The following LRP1B variants were observed in gnomAD, a reference collection of about 807,000 sequenced individuals.
LRP1B encodes the protein low-density lipoprotein receptor-related protein 1B.
In LRP1B, 217 loss-of-function variants were observed where a neutral mutation model predicts 556.6. The ratio of observed to expected loss-of-function variants is 0.39; its 90% CI spans 0.35 to 0.44. The LOEUF is 0.44. LRP1B is among the 20% of genes least tolerant of loss of function. The probability of loss-of-function intolerance (pLI) is 1.00; values close to 1 mark genes in which losing one functional copy is unlikely to be tolerated. For missense variants in LRP1B, 5,053 were observed against 5,620.8 expected, an observed-to-expected ratio of 0.90 and a Z score of 3.23; for synonymous variants, 2,047 against 1,865.8, an observed-to-expected ratio of 1.10 and a Z score of -2.50.
chr2:141,461,662 C>A (rs967545800), intron 3 of LRP1B, among the ~76,000 whole-genome samples: 1 of 152,156 alleles, frequency 6.6e-6, no homozygotes, highest in Non-Finnish European at 1.5e-5. Context: ...AGCAACCATA[C>A]TTTTGAAGAC....
chr2:141,020,871 G>C (rs1698046017), intron 11 of LRP1B, among the ~76,000 whole-genome samples: 1 of 151,928 alleles, frequency 6.6e-6, no homozygotes, highest in South Asian at 2.1e-4. Flanking sequence ...CATTCACGAA[G>C]CAGTAGCAAT....
chr2:141,720,766 G>A (rs1308400469), intron 2 of LRP1B, among the ~76,000 whole-genome samples: 1 of 152,070 alleles, frequency 6.6e-6, no homozygotes, highest in Non-Finnish European at 1.5e-5. Flanking sequence ...TACTAAATGA[G>A]TCAACTTTTA....
intron 1 of LRP1B, among the ~76,000 whole-genome samples, chr2:141,872,105 C>G (rs1427877687): frequency 6.6e-6 from 1 of 151,740 alleles, no homozygotes; most frequent in Non-Finnish European, 1.5e-5. Flanking sequence ...AAAGAGAGAG[C>G]TTGGAAGGAC....
chr2:141,004,761 A>G (rs1697520138), intron 15 of LRP1B, among the ~76,000 whole-genome samples: 1 of 152,112 alleles, frequency 6.6e-6, no homozygotes, highest in Non-Finnish European at 1.5e-5. Context: ...AAGGGGCACC[A>G]CATGGGGTAG....
chr2:140,622,708 A>G (rs1403210516), intron 41 of LRP1B, among the ~76,000 whole-genome samples: 1 of 152,198 alleles, frequency 6.6e-6, no homozygotes, highest in Non-Finnish European at 1.5e-5. Context: ...GAATCTAAAG[A>G]GACAATAACG....
intron 3 of LRP1B, among the ~76,000 whole-genome samples, chr2:141,354,787 A>C (rs903460417): frequency 1.4e-4 from 22 of 151,958 alleles, no homozygotes; most frequent in Non-Finnish European, 2.8e-4. Context: ...TAAAAAAAAA[A>C]CTGAAAAAAA....
chr2:141,266,167 A>G (rs1191783264), intron 3 of LRP1B, among the ~76,000 whole-genome samples: 2 of 152,080 alleles, frequency 1.3e-5, no homozygotes, highest in African/African-American at 4.8e-5. Context: ...TACCAAAAAT[A>G]CAAACAATTT....
At chr2:140,327,024 T>C (rs1199556065) in intron 79 of LRP1B, among the ~76,000 whole-genome samples, 1 of 152,122 alleles carries the variant, frequency 6.6e-6, no homozygotes, top group Non-Finnish European at 1.5e-5. Context: ...ATAATACATC[T>C]TCACTGCTGT....
intron 35 of LRP1B, among the ~76,000 whole-genome samples, chr2:140,735,533 C>T (rs1687917768): frequency 6.6e-6 from 1 of 152,076 alleles, no homozygotes; most frequent in South Asian, 2.1e-4. Flanking sequence ...AATGCTAAAA[C>T]CAGGGACCTG....
intron 2 of LRP1B, among the ~76,000 whole-genome samples, chr2:141,590,700 C>T (rs1194795409): frequency 1.3e-5 from 2 of 152,082 alleles, no homozygotes; most frequent in Non-Finnish European, 2.9e-5. Context: ...CACTTGTGCT[C>T]CTCTTCCATG....
At chr2:140,709,311 C>T (rs1437485512) in intron 37 of LRP1B, among the ~76,000 whole-genome samples, 1 of 152,020 alleles carries the variant, frequency 6.6e-6, no homozygotes, top group African/African-American at 2.4e-5. Context: ...GCTTCCTATA[C>T]ATCTTTTCAT....
intron 23 of LRP1B, among the ~76,000 whole-genome samples, chr2:140,901,394 T>C (rs1248518467): frequency 6.6e-6 from 1 of 152,202 alleles, no homozygotes; most frequent in Non-Finnish European, 1.5e-5. Context: ...AATCTGCCTT[T>C]CATTACCTAC....
chr2:140,394,637 A>G (rs1460398743), intron 66 of LRP1B, among the ~76,000 whole-genome samples: 1 of 152,204 alleles, frequency 6.6e-6, no homozygotes, highest in Non-Finnish European at 1.5e-5. Flanking sequence ...AAACTTAGTC[A>G]CACGACAACA....
chr2:140,519,009 C>A (rs1464636530), intron 49 of LRP1B, among the ~76,000 whole-genome samples: 1 of 152,096 alleles, frequency 6.6e-6, no homozygotes, highest in East Asian at 1.9e-4. Context: ...TAGGAAGAAT[C>A]AATATCATAA....
In LRP1B at chr2:141,125,603, G is replaced by C. The variant is rs188662400; in HGVS notation, c.1013+62818C>G. 5.3e-5 allele frequency among the ~76,000 whole-genome samples: 8 copies of C among 152,142 alleles called. No individual in the cohort carries two copies. The South Asian group carries it at 1.7e-3, about 32-fold the overall frequency. On this transcript the variant is annotated intron_variant, in intron 7 of 90. Transcript: ENST00000389484. ...ACTGACACGCCCTTGCACAGTGAAG[G>C]CACACACTATCTTTGCTGATATGCT...
intron 7 of LRP1B, among the ~76,000 whole-genome samples, chr2:141,123,251 T>C (rs546537008): frequency 6.9e-6 from 1 of 144,706 alleles, no homozygotes; most frequent in Admixed American, 6.9e-5. Flanking sequence ...TAAAAAAAAA[T>C]AAATAAATAA....
intron 2 of LRP1B, among the ~76,000 whole-genome samples, chr2:141,759,884 A>G (rs560924418): frequency 6.6e-6 from 1 of 152,274 alleles, no homozygotes; most frequent in South Asian, 2.1e-4. Context: ...TAATCCCAGC[A>G]CTTTGGTAGG....
chr2:140,567,391 C>T (rs1681166678), intron 43 of LRP1B, among the ~76,000 whole-genome samples: 1 of 152,178 alleles, frequency 6.6e-6, no homozygotes, highest in Admixed American at 6.5e-5. Flanking sequence ...GACCTATTGT[C>T]TCTGATTCCC....
intron 1 of LRP1B, among the ~76,000 whole-genome samples, chr2:141,945,206 ATC>A (rs1478815728): frequency 6.6e-6 from 1 of 151,994 alleles, no homozygotes; most frequent in Non-Finnish European, 1.5e-5. Context: ...TAAAGCTAAC[ATC>A]TCTGTTTTCA....
Sources: allele counts gnomAD v4.1 joint callset (sites outside exome capture counted in the v4.1 genomes callset), GRCh38; gene constraint gnomAD v4.1.1; transcripts MANE v1.5; gene names NCBI Gene and HGNC (gene_info 2026-07-23, HGNC 2026-07-21).